Variants in EHMT1 observed in about 807,000 individuals in gnomAD.
EHMT1 encodes the protein histone-lysine N-methyltransferase EHMT1.
A neutral mutation model predicts 147.2 loss-of-function variants in EHMT1; 15 were observed. The ratio of observed to expected loss-of-function variants is 0.10; its 90% CI spans 0.07 to 0.16. EHMT1 has a LOEUF of 0.16. Ranked by LOEUF, EHMT1 falls within the 10% of genes least tolerant of loss-of-function variation. The pLI is 1.00. For synonymous variants in EHMT1, 795 were observed against 709.6 expected, an observed-to-expected ratio of 1.12 and a Z score of -1.91; for missense variants, 1,587 against 1,772.4, an observed-to-expected ratio of 0.90 and a Z score of 1.88.
intron 1 of EHMT1, chr9:137,680,885 A>G (rs916529879): frequency 2.0e-5 from 3 of 152,352 alleles, no homozygotes; most frequent in African/African-American, 7.2e-5. Context: ...GGGACAGCAG[A>G]TGCCGGGGCT....
At chr9:137,631,497 C>T (rs1431895122) in intron 1 of EHMT1, among the ~76,000 whole-genome samples, 1 of 152,206 alleles carries the variant, frequency 6.6e-6, no homozygotes, top group African/African-American at 2.4e-5. Flanking sequence ...GTGCATATTT[C>T]ATGATGTTTA....
intron 25 of EHMT1, among the ~76,000 whole-genome samples, chr9:137,823,699 C>T (rs1398386589): frequency 4.6e-5 from 7 of 152,204 alleles, no homozygotes; most frequent in Non-Finnish European, 1.0e-4. Flanking sequence ...GCGTGAGCCA[C>T]CACGCCCGGC....
intron 1 of EHMT1, among the ~76,000 whole-genome samples, chr9:137,655,272 C>G (rs1156454509): frequency 2.0e-5 from 3 of 152,198 alleles, no homozygotes; most frequent in Non-Finnish European, 4.4e-5. Flanking sequence ...CCGCCTCAGC[C>G]TCCCAAAGTG....
chr9:137,800,035 T>A (rs1333360396), intron 17 of EHMT1, among the ~76,000 whole-genome samples: 2 of 152,128 alleles, frequency 1.3e-5, no homozygotes, highest in Non-Finnish European at 2.9e-5. Flanking sequence ...TGAAGGCTGC[T>A]GTGTCTGTGA....
chr9:137,788,087 G>C, intron 15 of EHMT1: 1 of 1,347,250 alleles, frequency 7.4e-7, no homozygotes, highest in Non-Finnish European at 1.0e-6. Flanking sequence ...CTCTCGTGGG[G>C]CCAGGAAGGG....
At chr9:137,764,215 A>G (rs1950058943) in intron 10 of EHMT1, 1 of 152,480 alleles carries the variant, frequency 6.6e-6, no homozygotes, top group African/African-American at 2.4e-5. Context: ...TTTCCGGTGC[A>G]CATGCCTTTA....
chr9:137,808,613 TC>T (rs1005466676), intron 18 of EHMT1, among the ~76,000 whole-genome samples: 1 of 141,366 alleles, frequency 7.1e-6, no homozygotes, highest in Admixed American at 8.0e-5. Context: ...GTTTGAACAG[TC>T]CCAGAGTGGA....
chr9:137,649,611 G>T (rs753425243), intron 1 of EHMT1, among the ~76,000 whole-genome samples: 7 of 152,082 alleles, frequency 4.6e-5, no homozygotes, highest in Non-Finnish European at 5.9e-5. Flanking sequence ...ATTTAGGGTG[G>T]GCCCTAGATT....
In EHMT1 at chr9:137,775,196, C is replaced by A. The variant is rs761827857; in HGVS notation, c.1735C>A (p.Arg579=). The A allele has an allele frequency of 6.2e-7, 1 of 1,613,640 alleles. No homozygotes were observed. Among genetic ancestry groups the A allele is most frequent in the Non-Finnish European group, 8.5e-7 (1 of 1,180,020 alleles). The change falls in exon 11 of 27, where the codon CGG becomes AGG. Residue 579 remains arginine, a synonymous_variant. Transcript: ENST00000460843. This position sits in a 1 kb window ranked among gnomAD's most constrained non-coding sequence, Gnocchi z 6.1. ...APLLVLCEDH[R]GRMVKHQCCP... is the part of the protein sequence containing the mutation. ...GCTCCTCGTGCTGTGTGAAGACCAC[C>A]GGGGCCGCATGGTGAAGCACCAGTG... is the stretch of plus-strand genomic sequence containing the variant.
At chr9:137,750,874 A>G (rs991794541) in intron 6 of EHMT1, among the ~76,000 whole-genome samples, 7 of 152,230 alleles carry the variant, frequency 4.6e-5, no homozygotes, top group African/African-American at 1.7e-4. Context: ...GGGGTATTAA[A>G]TCAGTGGTCA....
intron 1 of EHMT1, 120 bp downstream of exon 1, chr9:137,619,169 T>TC (rs1360259352): frequency 6.9e-6 from 1 of 144,214 alleles, no homozygotes; most frequent in Admixed American, 7.6e-5. Context: ...GGGCCCCGGG[T>TC]CCCCCCGCCG....
intron 1 of EHMT1, among the ~76,000 whole-genome samples, chr9:137,695,929 G>T (rs1943361771): frequency 6.6e-6 from 1 of 152,202 alleles, no homozygotes; most frequent in South Asian, 2.1e-4. Flanking sequence ...TGCCATAGCC[G>T]AAAGAACTGG....
At position 137,716,974 on chromosome 9, in the gene EHMT1, C is replaced by G. The variant is rs1206976246; in HGVS notation, c.434C>G (p.Ser145Cys). Residue 145 changes from serine (S) to cysteine (C), a missense_variant, in exon 3 of 27, where the codon TCT (serine) becomes TGT (cysteine). This residue lies in a region of EHMT1 where 810 missense variants were observed against 673.0 expected (regional missense o/e 1.20). Transcript: ENST00000460843. ...QPLRTTSTLA[S>C]SLPGHAAKTL... ...TTGAGGACTACCAGCACTCTGGCCT[C>G]TTCGCTGCCTGGCCATGCTGCAAAA... 1 of 1,610,646 alleles carries G rather than the reference C, an allele frequency of 6.2e-7. No individual in the cohort carries two copies. Among genetic ancestry groups the G allele is most frequent in the South Asian group, 1.1e-5 (1 of 91,076 alleles).
At chr9:137,635,949 T>TCTTG (rs1844037260) in intron 1 of EHMT1, among the ~76,000 whole-genome samples, 1 of 151,152 alleles carries the variant, frequency 6.6e-6, no homozygotes, top group Non-Finnish European at 1.5e-5. Context: ...AGATGGGGAG[T>TCTTG]CTTGCTCTGT....
intron 1 of EHMT1, among the ~76,000 whole-genome samples, chr9:137,704,498 T>C (rs980990864): frequency 2.6e-5 from 4 of 152,180 alleles, no homozygotes; most frequent in Non-Finnish European, 4.4e-5. Flanking sequence ...TTAAGAAGAA[T>C]AGAGTTTTAG....
Position 137,817,942 on chromosome 9 carries a change from C to G in EHMT1, c.3462-118C>G, listed in dbSNP as rs933813955. ...GGGCACACCTCTCTAAACATGTTCC[C>G]TGCATGTTCTTCTGGTGTGCCCTGC... On this transcript the variant is annotated intron_variant, in intron 24 of 26. Coordinates refer to ENST00000460843, the MANE Select transcript of EHMT1 (RefSeq NM_024757.5). 7 of 974,136 alleles carry G rather than the reference C, an allele frequency of 7.2e-6. 1 individual carries two copies. Among genetic ancestry groups the G allele is most frequent in the Admixed American group, 1.7e-5 (1 of 57,556 alleles). 60.3% of individuals were successfully genotyped at this position (974,136 alleles called of 1,614,324 possible). A position where few individuals can be genotyped will look rare whatever the true frequency, so the allele number is the denominator to read the frequency against.
chr9:137,622,794 C>G (rs1843011442), intron 1 of EHMT1, among the ~76,000 whole-genome samples: 1 of 151,470 alleles, frequency 6.6e-6, no homozygotes, highest in African/African-American at 2.4e-5. Context: ...GTAGTCCCAG[C>G]TACTTGAGGG....
chr9:137,665,846 T>G (rs1198980245), intron 1 of EHMT1: 1 of 152,252 alleles, frequency 6.6e-6, no homozygotes, highest in East Asian at 1.9e-4. Context: ...TGGAGGTGCC[T>G]GGGCGGCCGC....
chr9:137,780,451 A>G (rs1432145895), intron 14 of EHMT1, among the ~76,000 whole-genome samples: 1 of 94,512 alleles, frequency 1.1e-5, no homozygotes, highest in Non-Finnish European at 2.0e-5. Context: ...TGATGACGGC[A>G]TCACTGAGAT....
Sources: allele counts gnomAD v4.1 joint callset (sites outside exome capture counted in the v4.1 genomes callset), GRCh38; gene constraint gnomAD v4.1.1; regional missense constraint gnomAD v4.1.1; non-coding constraint Gnocchi (gnomAD v3.1); transcripts MANE v1.5; gene names NCBI Gene and HGNC (gene_info 2026-07-23, HGNC 2026-07-21).